ACSS3: variants seen among roughly 807,000 people sequenced by gnomAD.
The protein encoded by ACSS3 is acyl-CoA synthetase short-chain family member 3, mitochondrial.
ACSS3 carries 64 observed loss-of-function variants against 84.2 expected under a neutral mutation model. The ratio of observed to expected loss-of-function variants is 0.76; its 90% CI spans 0.62 to 0.94. ACSS3 has a LOEUF of 0.94. ACSS3 is among the 40% of genes least tolerant of loss of function. The pLI is 0.00. For missense variants in ACSS3, 815 were observed against 867.6 expected (o/e 0.94, Z 0.76); for synonymous variants, 317 against 310.1 (o/e 1.02, Z -0.23).
intron 9 of ACSS3, among the ~76,000 whole-genome samples, chr12:81,213,584 C>CT (rs1414275966): frequency 0.062 from 491 of 7,982 alleles, 85 homozygotes; most frequent in African/African-American, 0.15. Flanking sequence ...CTCCTCTCCT[C>CT]CCCTCCCCTC....
chr12:81,157,573 T>C (rs977241503), intron 7 of ACSS3, among the ~76,000 whole-genome samples: 1 of 151,830 alleles, frequency 6.6e-6, no homozygotes, highest in East Asian at 1.9e-4. Context: ...CTTTGGGAGG[T>C]CAAGGCGGGC....
At chr12:81,241,897 A>G (rs1436366213) in intron 13 of ACSS3, among the ~76,000 whole-genome samples, 1 of 152,184 alleles carries the variant, frequency 6.6e-6, no homozygotes, top group African/African-American at 2.4e-5. Context: ...TGTTTTAGAC[A>G]TGAAGTTCTT....
At chr12:81,245,439 G>A (rs2033953297) in intron 13 of ACSS3, among the ~76,000 whole-genome samples, 1 of 152,204 alleles carries the variant, frequency 6.6e-6, no homozygotes, top group Non-Finnish European at 1.5e-5. Context: ...TGCAGCCTGG[G>A]TGACAGAGTG....
intron 9 of ACSS3, among the ~76,000 whole-genome samples, chr12:81,207,957 T>C (rs1446904378): frequency 6.6e-6 from 1 of 152,130 alleles, no homozygotes; most frequent in East Asian, 1.9e-4. Context: ...CTTCTTCCTA[T>C]ACAAAGAAGC....
intron 1 of ACSS3, among the ~76,000 whole-genome samples, chr12:81,102,829 A>G (rs890302249): frequency 6.6e-6 from 1 of 150,974 alleles, no homozygotes; most frequent in Non-Finnish European, 1.5e-5. Context: ...CTGCATCTAA[A>G]AAAAAAAAAA....
chr12:81,169,725 G>A (rs1375647567), intron 7 of ACSS3, among the ~76,000 whole-genome samples: 1 of 151,862 alleles, frequency 6.6e-6, no homozygotes, highest in Non-Finnish European at 1.5e-5. Flanking sequence ...GTTTTAACAA[G>A]TTTTAAGTTT....
At chr12:81,204,032 G>A (rs1412245457) in intron 9 of ACSS3, among the ~76,000 whole-genome samples, 1 of 152,004 alleles carries the variant, frequency 6.6e-6, no homozygotes, top group Admixed American at 6.6e-5. Context: ...TCAGCTGTAC[G>A]ATCCCCAAAT....
chr12:81,087,625 T>G (rs1593020717), intron 1 of ACSS3, among the ~76,000 whole-genome samples: 1 of 152,256 alleles, frequency 6.6e-6, no homozygotes, highest in Admixed American at 6.5e-5. Flanking sequence ...AGTCCACTTT[T>G]GCGCTAATCT....
At position 81,216,920 on chromosome 12, in the gene ACSS3, T is replaced by C. The variant is rs2135942930; in HGVS notation, c.1374T>C (p.Thr458=). The change falls in exon 10 of 16, where the codon ACT becomes ACC. Residue 458 remains threonine (T), a synonymous_variant. Transcript: ENST00000548058. The stretch of plus-strand genomic sequence containing the variant: ...TTCCAGAGACTGGATCTCCAATTAC[T>C]GCGTCATGTGTTGGATTAGGCAATT... The part of the protein sequence containing the change: ...WWQTETGSPI[T]ASCVGLGNSK... 3 of 1,611,054 alleles carry C rather than the reference T, an allele frequency of 1.9e-6. No individual in the cohort carries two copies. The highest frequency in any genetic ancestry group is 2.2e-5 in the East Asian group (1 of 44,782).
At chr12:81,178,513 T>C (rs2030667334) in intron 8 of ACSS3, among the ~76,000 whole-genome samples, 1 of 151,788 alleles carries the variant, frequency 6.6e-6, no homozygotes, top group Non-Finnish European at 1.5e-5. Context: ...ATATCCAAGC[T>C]GAGAGCCAAA....
At chr12:81,093,086 G>T (rs1322409015) in intron 1 of ACSS3, among the ~76,000 whole-genome samples, 1 of 151,902 alleles carries the variant, frequency 6.6e-6, no homozygotes, top group Non-Finnish European at 1.5e-5. Flanking sequence ...TCAAGGGAGA[G>T]GTTTTATAAA....
At chr12:81,138,152 A>T (rs1285796651) in intron 3 of ACSS3, among the ~76,000 whole-genome samples, 1 of 152,230 alleles carries the variant, frequency 6.6e-6, no homozygotes, top group Non-Finnish European at 1.5e-5. Flanking sequence ...TGGGTCAATT[A>T]TCTGCCTTCC....
intron 1 of ACSS3, among the ~76,000 whole-genome samples, chr12:81,105,497 G>C (rs1054257967): frequency 2.0e-5 from 3 of 152,160 alleles, no homozygotes; most frequent in Admixed American, 6.5e-5. Context: ...TAGACATCTA[G>C]ACTTGGGTTT....
At position 81,253,375 on chromosome 12, in the gene ACSS3, T is replaced by G. The variant is rs35312560; in HGVS notation, c.1788T>G (p.His596Gln). The G allele has an allele frequency of 6.2e-7, 1 of 1,613,888 alleles. No homozygotes were observed. ...VVGKEDPLKG[H>Q]VPLALCVLRK... Reference sequence around the variant, plus strand: ...GCAAGGAAGATCCCTTAAAAGGTCATGTCCCCTTAGCACTCTGTGTATTGA... The same window carrying G: ...GCAAGGAAGATCCCTTAAAAGGTCAGGTCCCCTTAGCACTCTGTGTATTGA... Residue 596 changes from histidine (H) to glutamine (Q), a missense_variant, in exon 14 of 16, where the codon CAT (histidine) becomes CAG (glutamine). Physicochemically the swap from His to Gln is conservative, Grantham distance 24 (BLOSUM62 0). Coordinates refer to ENST00000548058, the MANE Select transcript of ACSS3 (RefSeq NM_024560.4).
intron 1 of ACSS3, among the ~76,000 whole-genome samples, chr12:81,087,959 A>T (rs907150526): frequency 6.6e-6 from 1 of 152,148 alleles, no homozygotes; most frequent in Non-Finnish European, 1.5e-5. Flanking sequence ...ATACGGAAGA[A>T]TTATAAAATG....
intron 9 of ACSS3, among the ~76,000 whole-genome samples, chr12:81,204,363 T>TC (rs1416773622): frequency 3.1e-4 from 44 of 141,964 alleles, no homozygotes; most frequent in African/African-American, 1.1e-3. Context: ...CCTTCCTCCC[T>TC]CCCCCCTCGT....
rs1326934980 is a variant in ACSS3 at position 81,256,133 on chromosome 12, G to C, written c.*1211G>C. On this transcript the variant is annotated 3_prime_UTR_variant, in exon 16 of 16. Transcript: ENST00000548058. ...TGAGGGACAAAGGACAGTAGAAAAT[G>C]GTGAAGACTGCAGATCACCTGCTAT... 3 of 152,132 alleles carry C rather than the reference G, an allele frequency of 2.0e-5. No individual in the cohort carries two copies. Among genetic ancestry groups the C allele is most frequent in the Admixed American group, 6.5e-5 (1 of 15,268 alleles). 9.4% of individuals were successfully genotyped at this position (152,132 alleles called of 1,614,324 possible).
At chr12:81,089,092 A>G (rs4240722) in intron 1 of ACSS3, among the ~76,000 whole-genome samples, 48,030 of 151,516 alleles carry the variant, frequency 0.32, 7,936 homozygotes, top group Admixed American at 0.44. Context: ...TATAATGACC[A>G]CATTATTCAT....
chr12:81,090,305 T>C (rs970674389), intron 1 of ACSS3, among the ~76,000 whole-genome samples: 2 of 152,026 alleles, frequency 1.3e-5, no homozygotes, highest in Non-Finnish European at 1.5e-5. Flanking sequence ...TTGGCAAAAA[T>C]GCTCAATGCT....
Sources: allele counts gnomAD v4.1 joint callset (sites outside exome capture counted in the v4.1 genomes callset), GRCh38; gene constraint gnomAD v4.1.1; transcripts MANE v1.5; gene names NCBI Gene and HGNC (gene_info 2026-07-23, HGNC 2026-07-21).